The following BCO1 variants were observed in gnomAD, a reference collection of about 807,000 sequenced individuals.
The protein encoded by BCO1 is beta,beta-carotene 15,15'-dioxygenase.
In BCO1, 54 loss-of-function variants were observed where a neutral mutation model predicts 56.3. The observed-to-expected ratio is 0.96, with a 90% CI of 0.77 to 1.20. The LOEUF (loss-of-function observed/expected upper bound fraction) is 1.20. Ranked by LOEUF, BCO1 falls within the 50% of genes most tolerant of loss-of-function variation. The pLI, the probability that BCO1 is intolerant of heterozygous loss-of-function variation, is 0.00. For missense variants in BCO1, 801 were observed against 690.9 expected (o/e 1.16, Z -1.79); for synonymous variants, 318 against 266.1 (o/e 1.20, Z -1.90).
At chr16:81,273,116 T>C (rs4889296) in intron 7 of BCO1, among the ~76,000 whole-genome samples, 150,688 of 152,268 alleles carry the variant, frequency 0.99, 74,579 homozygotes, top group East Asian at 1. Flanking sequence ...ATTACAGGCA[T>C]GTGCCAGCAC....
intron 8 of BCO1, 25 bp from the exon 9 acceptor site, chr16:81,285,515 C>T: frequency 6.5e-7 from 1 of 1,549,540 alleles, no homozygotes. Context: ...ATAGGGGCTT[C>T]ATCCACCTCC....
chr16:81,284,805 T>G (rs1908079705), intron 8 of BCO1, among the ~76,000 whole-genome samples: 1 of 149,512 alleles, frequency 6.7e-6, no homozygotes, highest in Non-Finnish European at 1.5e-5. Context: ...TTTCTTTTCT[T>G]TTTGTTTTGT....
chr16:81,263,005 C>A (rs150584746), intron 4 of BCO1: 209 of 152,770 alleles, frequency 1.4e-3, no homozygotes, highest in African/African-American at 4.9e-3. Context: ...TAGCGGTTGC[C>A]GGCAACCCCT....
chr16:81,249,626 C>T (rs1264809436), intron 2 of BCO1, among the ~76,000 whole-genome samples: 1 of 152,066 alleles, frequency 6.6e-6, no homozygotes, highest in Non-Finnish European at 1.5e-5. Context: ...GTCTCGAACT[C>T]CTGACCTCAG....
At chr16:81,245,022 C>A (rs1905317910) in intron 1 of BCO1, among the ~76,000 whole-genome samples, 1 of 152,176 alleles carries the variant, frequency 6.6e-6, no homozygotes, top group African/African-American at 2.4e-5. Flanking sequence ...TCCCGAGTAG[C>A]TGGGATTACA....
intron 7 of BCO1, among the ~76,000 whole-genome samples, chr16:81,279,447 GTAGTAGTAGTATGGTAATAA>G (rs1907740976): frequency 6.6e-6 from 1 of 152,236 alleles, no homozygotes; most frequent in African/African-American, 2.4e-5. Flanking sequence ...ATAAGTGATA[GTAGTAGTAGTATGGTAATAA>G]TAGTAATAAT....
At position 81,257,895 on chromosome 16, in the gene BCO1, A is replaced by G. The variant is rs868398754; in HGVS notation, c.194-1781A>G. Among the ~76,000 whole-genome samples, 78 of 151,530 alleles carry G rather than the reference A, an allele frequency of 5.1e-4. No individual in the cohort carries two copies. The Middle Eastern group carries it at 0.014, about 26-fold the overall frequency. The stretch of plus-strand genomic sequence containing the variant: ...ACTCCATCTCAAAAAAAAAAAAAAA[A>G]AGAGAGAGACTTTGTAGATGTGATT... On this transcript the variant is annotated intron_variant, in intron 2 of 10. Transcript: ENST00000258168.
chr16:81,242,319 G>A (rs984111848), intron 1 of BCO1, among the ~76,000 whole-genome samples: 1 of 149,362 alleles, frequency 6.7e-6, no homozygotes, highest in Non-Finnish European at 1.5e-5. Context: ...TCCTGCCTCA[G>A]CCTCCCCAGT....
Position 81,238,864 on chromosome 16 carries a change from G to T in BCO1, c.-45G>T, listed in dbSNP as rs1287165281. 6.4e-7 allele frequency: 1 copy of T among 1,550,758 alleles called. No individual in the cohort carries two copies. Among genetic ancestry groups the T allele is most frequent in the African/African-American group, 1.4e-5 (1 of 73,574 alleles). ...CAGCATCTCCTGTGAACACAGAGGA[G>T]CACCTGTTTGCTGTTAAAATCGATC... On this transcript the variant is annotated 5_prime_UTR_variant, in exon 1 of 11. Coordinates refer to ENST00000258168, the MANE Select transcript of BCO1 (RefSeq NM_017429.3).
intron 4 of BCO1, chr16:81,262,682 G>A (rs185313460): frequency 4.3e-5 from 14 of 325,210 alleles, no homozygotes; most frequent in Admixed American, 1.7e-4. Flanking sequence ...ACAAAAATTA[G>A]CCAGGCGTGG....
chr16:81,268,142 G>T lies in BCO1; in HGVS notation c.843+11G>T. On this transcript the variant is annotated intron_variant, in intron 6 of 10. Coordinates refer to ENST00000258168, the MANE Select transcript of BCO1 (RefSeq NM_017429.3). ...CACAGGGAGGAGAAGGTGAGGTCTG[G>T]CTGGACTCTAGCCCAGTGGGTGCTG... The T allele has an allele frequency of 1.2e-6, 2 of 1,603,982 alleles. No homozygotes were observed. The highest frequency in any genetic ancestry group is 2.2e-5 in the East Asian group (1 of 44,884).
chr16:81,280,695 G>A (rs1485416224), intron 7 of BCO1, among the ~76,000 whole-genome samples, 162 bp from the exon 8 acceptor site: 2 of 152,158 alleles, frequency 1.3e-5, no homozygotes, highest in African/African-American at 4.8e-5. Flanking sequence ...TTTAAACTGA[G>A]ACTAAGGATA....
At position 81,259,351 on chromosome 16, in the gene BCO1, G is replaced by T. The variant is rs191108437; in HGVS notation, c.194-325G>T. Among the ~76,000 whole-genome samples, 594 of 152,182 alleles carry T rather than the reference G, an allele frequency of 3.9e-3. 2 individuals are homozygous for T. The highest frequency in any genetic ancestry group is 0.014 in the African/African-American group (573 of 41,522). On this transcript the variant is annotated intron_variant, in intron 2 of 10. Coordinates refer to ENST00000258168, the MANE Select transcript of BCO1 (RefSeq NM_017429.3). The stretch of plus-strand genomic sequence containing the variant: ...TCTACTAAAAATACAAAAATTTGCT[G>T]GTCGTGGTGGCGCATGCCTATAATC...
In BCO1 at chr16:81,256,576, T is replaced by C. The variant is rs144930568; in HGVS notation, c.194-3100T>C. ...GCCTCTTTCAGGCCCCTCCCCGAGG[T>C]TTCAAACTGCCCAGGAAATAAAGTT... On this transcript the variant is annotated intron_variant, in intron 2 of 10. Coordinates refer to ENST00000258168, the MANE Select transcript of BCO1 (RefSeq NM_017429.3). Among the ~76,000 whole-genome samples the C allele has an allele frequency of 7.2e-5, 11 of 152,186 alleles. No homozygotes were observed. The East Asian group carries it at 2.1e-3, about 29-fold the overall frequency.
At position 81,245,445 on chromosome 16, in the gene BCO1, C is replaced by T. The variant is rs371502168; in HGVS notation, c.65-30C>T. The T allele has an allele frequency of 1.5e-4, 244 of 1,614,142 alleles. 1 individual carries two copies. The highest frequency in any genetic ancestry group is 6.6e-4 in the South Asian group (60 of 91,076). On this transcript the variant is annotated intron_variant, in intron 1 of 10. Coordinates refer to ENST00000258168, the MANE Select transcript of BCO1 (RefSeq NM_017429.3). ...CAGCATTTTGGTTTGCAGGTGGAAACGGGAAACTAAACATTCTCTCTTTTC... is the reference window on the plus strand; with the variant it reads ...CAGCATTTTGGTTTGCAGGTGGAAATGGGAAACTAAACATTCTCTCTTTTC...
intron 7 of BCO1, among the ~76,000 whole-genome samples, chr16:81,276,474 G>A (rs900247760): frequency 6.6e-6 from 1 of 152,190 alleles, no homozygotes; most frequent in African/African-American, 2.4e-5. Context: ...CCCATGAGGT[G>A]GCCAGGGCTG....
chr16:81,261,890 T>C (rs201164399), intron 3 of BCO1: 210 of 410,200 alleles, frequency 5.1e-4, no homozygotes, highest in African/African-American at 2.5e-3. Context: ...TACAGGCGCC[T>C]GCCACCACGC....
chr16:81,262,319 C>A (rs769062936), intron 4 of BCO1, 36 bp downstream of exon 4: 2 of 1,602,694 alleles, frequency 1.2e-6, no homozygotes, highest in South Asian at 1.1e-5. Context: ...CACTTCCTGA[C>A]TCAAGAAAGG....
intron 5 of BCO1, among the ~76,000 whole-genome samples, chr16:81,266,934 G>T (rs1019244235): frequency 1.3e-5 from 2 of 152,184 alleles, no homozygotes; most frequent in Non-Finnish European, 2.9e-5. Flanking sequence ...CTGTTTACAG[G>T]GTGCACAGGT....
Sources: gnomAD v4.1 joint callset for allele counts (sites outside exome capture counted in the v4.1 genomes callset) on GRCh38, gnomAD v4.1.1 for gene constraint, MANE v1.5 for transcripts, NCBI Gene and HGNC (gene_info 2026-07-23, HGNC 2026-07-21) for gene names.